EXT2: variants seen among roughly 807,000 people sequenced by gnomAD.
EXT2 encodes the protein exostosin-2.
A neutral mutation model predicts 81.6 loss-of-function variants in EXT2; 53 were observed. The ratio of observed to expected loss-of-function variants is 0.65; its 90% CI spans 0.52 to 0.82. The LOEUF (loss-of-function observed/expected upper bound fraction) is 0.82. Among genes scored for constraint, EXT2 ranks in the 40% least tolerant of loss-of-function variants. The pLI, the probability that EXT2 is intolerant of heterozygous loss-of-function variation, is 0.00. For missense variants in EXT2, 774 were observed against 910.2 expected, an observed-to-expected ratio of 0.85 and a Z score of 1.93; for synonymous variants, 320 against 340.0, an observed-to-expected ratio of 0.94 and a Z score of 0.65.
In EXT2 at chr11:44,188,552, C is replaced by T. The variant is rs372384221; in HGVS notation, c.1306-9277C>T. On this transcript the variant is annotated intron_variant, in intron 8 of 13. Transcript: ENST00000533608. ...TGATAGGAACCAGCAGAAGCAGACA[C>T]AAACCCTGTCATAAGGACCATATTT... Among the ~76,000 whole-genome samples, 10 of 152,242 alleles carry T rather than the reference C, an allele frequency of 6.6e-5. No individual in the cohort carries two copies. The East Asian group carries it at 1.5e-3, about 24-fold the overall frequency.
Position 44,102,127 on chromosome 11 carries a change from C to T in EXT2, c.-30-5556C>T, listed in dbSNP as rs555780289. On this transcript the variant is annotated intron_variant, in intron 1 of 13. Transcript: ENST00000533608. ...GGAAAGATCTTGCAACATTCCTGCA[C>T]GTATAGGCAGACATTCTCCCATCCT... is the stretch of plus-strand genomic sequence containing the variant. 5.3e-5 allele frequency among the ~76,000 whole-genome samples: 8 copies of T among 152,198 alleles called. No individual in the cohort carries two copies. In the South Asian group the frequency reaches 1.2e-3, roughly 24 times the overall value.
intron 8 of EXT2, among the ~76,000 whole-genome samples, chr11:44,193,759 C>T (rs1955422174): frequency 6.6e-6 from 1 of 152,204 alleles, no homozygotes; most frequent in African/African-American, 2.4e-5. Flanking sequence ...AGATCCAGTT[C>T]TCCTTATGCT....
At chr11:44,158,584 T>C (rs138684339) in intron 7 of EXT2, among the ~76,000 whole-genome samples, 1 of 150,734 alleles carries the variant, frequency 6.6e-6, no homozygotes, top group Admixed American at 6.6e-5. Flanking sequence ...TTTAATAAAT[T>C]GATTTTTATT....
chr11:44,192,294 C>T (rs1194760810), intron 8 of EXT2, among the ~76,000 whole-genome samples: 1 of 151,820 alleles, frequency 6.6e-6, no homozygotes, highest in Admixed American at 6.6e-5. Context: ...GTGTAGATCT[C>T]GGTGTTTCCA....
At chr11:44,202,915 G>T (rs1269301953) in intron 9 of EXT2, among the ~76,000 whole-genome samples, 1 of 152,176 alleles carries the variant, frequency 6.6e-6, no homozygotes, top group Non-Finnish European at 1.5e-5. Context: ...CTGCCTCATG[G>T]AATCCTAAGG....
intron 7 of EXT2, among the ~76,000 whole-genome samples, chr11:44,155,766 T>C (rs1954848173): frequency 6.6e-6 from 1 of 152,202 alleles, no homozygotes; most frequent in Non-Finnish European, 1.5e-5. Context: ...ATATGAATAG[T>C]TTACACACCA....
intron 7 of EXT2, among the ~76,000 whole-genome samples, chr11:44,144,935 G>A (rs1954696293): frequency 6.6e-6 from 1 of 152,164 alleles, no homozygotes; most frequent in African/African-American, 2.4e-5. Context: ...GAACATAGTG[G>A]TGAAGATGGT....
At chr11:44,243,618 C>CTTTTTTTTT (rs1215047805) in intron 13 of EXT2, among the ~76,000 whole-genome samples, 10 of 72,888 alleles carry the variant, frequency 1.4e-4, no homozygotes, top group Admixed American at 1.6e-4. Context: ...GCCCTGTCAC[C>CTTTTTTTTT]TTTTTTTTTT....
At chr11:44,104,961 A>G (rs1206804618) in intron 1 of EXT2, among the ~76,000 whole-genome samples, 1 of 152,144 alleles carries the variant, frequency 6.6e-6, no homozygotes, top group Non-Finnish European at 1.5e-5. Flanking sequence ...AAATGTATGA[A>G]TTTTCATGTA....
rs757510885 is a variant in EXT2 at position 44,244,156 on chromosome 11, T to C, written c.2026T>C (p.Cys676Arg). ...DQTHMVERSE[C>R]INKFASVFGT... is the part of the protein sequence containing the mutation. Reference sequence around the variant, plus strand: ...CCTCTCCAAATCCCACAGGTCAGAGTGCATCAACAAGTTTGCTTCAGTCTT... The same window carrying C: ...CCTCTCCAAATCCCACAGGTCAGAGCGCATCAACAAGTTTGCTTCAGTCTT... Residue 676 changes from cysteine to arginine, a missense_variant, in exon 14 of 14, where the codon TGC (cysteine) becomes CGC (arginine). Coordinates refer to ENST00000533608, the MANE Select transcript of EXT2 (RefSeq NM_207122.2). 9 of 1,613,934 alleles carry C rather than the reference T, an allele frequency of 5.6e-6. No homozygotes were observed. The highest frequency in any genetic ancestry group is 1.3e-5 in the African/African-American group (1 of 74,976).
chr11:44,095,981 T>G (rs2134930921), intron 1 of EXT2, 129 bp downstream of exon 1: 1 of 487,438 alleles, frequency 2.1e-6, no homozygotes, highest in Non-Finnish European at 3.8e-6. Flanking sequence ...TGGAGGCCCG[T>G]GGGCTGCGAG....
chr11:44,158,726 A>G (rs539802664), intron 7 of EXT2, among the ~76,000 whole-genome samples: 30 of 151,720 alleles, frequency 2.0e-4, no homozygotes, highest in African/African-American at 6.5e-4. Flanking sequence ...CCTGACCTAT[A>G]TCATTTTCCT....
chr11:44,227,402 G>A (rs1955849721), intron 10 of EXT2, among the ~76,000 whole-genome samples: 1 of 152,212 alleles, frequency 6.6e-6, no homozygotes, highest in Admixed American at 6.5e-5. Flanking sequence ...CAGTGAGGAG[G>A]AAGATAAAAA....
chr11:44,125,714 A>G (rs1038967725), intron 5 of EXT2, among the ~76,000 whole-genome samples: 1 of 151,864 alleles, frequency 6.6e-6, no homozygotes, highest in Non-Finnish European at 1.5e-5. Context: ...GAGCTTGCCC[A>G]TACTGGGATT....
chr11:44,126,939 G>A lies in EXT2; in HGVS notation c.1063G>A (p.Val355Ile). 6.2e-7 allele frequency: 1 copy of A among 1,614,190 alleles called. No homozygotes were observed. Among genetic ancestry groups the A allele is most frequent in the Non-Finnish European group, 8.5e-7 (1 of 1,180,032 alleles). ...ADSYILPFSE[V>I]LDWKRASVVV... ...CTCCTATATTTTGCCTTTCTCTGAA[G>A]TTCTTGACTGGAAGAGGTGGGTAGT... The change falls in exon 6 of 14, where the codon GTT becomes ATT. Residue 355 changes from valine (V) to isoleucine (I), a missense_variant. Val to Ile is a conservative substitution (Grantham distance 29, BLOSUM62 3). Transcript: ENST00000533608.
chr11:44,231,017 A>G (rs995083419), intron 10 of EXT2, among the ~76,000 whole-genome samples: 4 of 152,206 alleles, frequency 2.6e-5, no homozygotes, highest in Non-Finnish European at 4.4e-5. Flanking sequence ...ATTAAAATAG[A>G]TATAAAATAG....
Position 44,237,315 on chromosome 11 carries a change from C to T in EXT2, c.2018+940C>T, listed in dbSNP as rs537265447. 2.0e-5 allele frequency among the ~76,000 whole-genome samples: 3 copies of T among 152,158 alleles called. No homozygotes were observed. In the South Asian group the frequency reaches 6.2e-4, roughly 32 times the overall value. On this transcript the variant is annotated intron_variant, in intron 13 of 13. Coordinates refer to ENST00000533608, the MANE Select transcript of EXT2 (RefSeq NM_207122.2). ...CAGAAAGTTGTTTCAGTTGGCCTGG[C>T]TTCTATAATGTTTTACTCTCTAAAT...
intron 10 of EXT2, among the ~76,000 whole-genome samples, chr11:44,209,898 C>T (rs989890819): frequency 6.6e-6 from 1 of 152,216 alleles, no homozygotes; most frequent in Non-Finnish European, 1.5e-5. Flanking sequence ...CTGTCTTATT[C>T]ATTGCTATGC....
chr11:44,129,578 G>T (rs1479785363), intron 6 of EXT2, among the ~76,000 whole-genome samples: 2 of 152,152 alleles, frequency 1.3e-5, no homozygotes, highest in South Asian at 4.1e-4. Context: ...TTCACTGTTG[G>T]GTTAGCACAT....
Sources: allele counts gnomAD v4.1 joint callset (sites outside exome capture counted in the v4.1 genomes callset), GRCh38; gene constraint gnomAD v4.1.1; transcripts MANE v1.5; gene names NCBI Gene and HGNC (gene_info 2026-07-23, HGNC 2026-07-21).